Variants in LRRC40 observed in about 807,000 individuals in gnomAD.
LRRC40 encodes the protein leucine-rich repeat-containing protein 40.
LRRC40 carries 76 observed loss-of-function variants against 72.8 expected under a neutral mutation model. That is an observed-to-expected ratio of 1.04 (90% CI 0.87 to 1.26). LRRC40 has a LOEUF of 1.26. Among genes scored for constraint, LRRC40 ranks in the 50% most tolerant of loss-of-function variants. The probability of loss-of-function intolerance (pLI) is 0.00; values close to 1 mark genes in which losing one functional copy is unlikely to be tolerated. For synonymous variants in LRRC40, 243 were observed against 254.2 expected (o/e 0.96, Z 0.42); for missense variants, 684 against 698.9 (o/e 0.98, Z 0.24).
rs533404135 is a variant in LRRC40 at position 70,151,287 on chromosome 1, A to G, written c.1440-82T>C. On this transcript the variant is annotated intron_variant, in intron 12 of 14. Coordinates refer to ENST00000370952, the MANE Select transcript of LRRC40 (RefSeq NM_017768.5). ...ATTTATAATTAAAATATTGAGCAGG[A>G]AAAAAAAATATGTAGATCAGTTTGT... 7.9e-5 allele frequency: 50 copies of G among 631,974 alleles called. 1 individual carries two copies. The Middle Eastern group carries it at 2.2e-3, about 28-fold the overall frequency. 39.1% of individuals were successfully genotyped at this position (631,974 alleles called of 1,614,324 possible).
intron 5 of LRRC40, among the ~76,000 whole-genome samples, chr1:70,180,678 A>G (rs1198034941): frequency 6.6e-6 from 1 of 152,180 alleles, no homozygotes; most frequent in African/African-American, 2.4e-5. Flanking sequence ...GGGACCTCAG[A>G]CAAAACAAGA....
Position 70,205,319 on chromosome 1 carries a change from G to A in LRRC40, c.151+71C>T, listed in dbSNP as rs1162187446. On this transcript the variant is annotated intron_variant, in intron 1 of 14. Coordinates refer to ENST00000370952, the MANE Select transcript of LRRC40 (RefSeq NM_017768.5). ...GAAAGGGGGCCAAAGCCAGCCCAGA[G>A]AAAAGGGAGGTTGCCTGGGCCAAAG... 3.5e-6 allele frequency: 5 copies of A among 1,423,672 alleles called. No homozygotes were observed. The African/African-American group carries it at 5.6e-5, about 16-fold the overall frequency. The allele number at this position is 1,423,672 out of a possible 1,614,324, so 88.2% of individuals were successfully genotyped here.
chr1:70,158,247 G>T (rs1027127988), intron 10 of LRRC40, among the ~76,000 whole-genome samples: 3 of 151,984 alleles, frequency 2.0e-5, no homozygotes, highest in Non-Finnish European at 4.4e-5. Context: ...GCAGGCAAGA[G>T]GTGAGAACAA....
chr1:70,191,362 TC>T (rs1314781722), intron 1 of LRRC40, among the ~76,000 whole-genome samples: 14 of 152,134 alleles, frequency 9.2e-5, no homozygotes, highest in Admixed American at 3.3e-4. Flanking sequence ...ATAACAAATG[TC>T]TTTTTTTGGA....
At chr1:70,197,067 T>C (rs911762872) in intron 1 of LRRC40, among the ~76,000 whole-genome samples, 5 of 152,278 alleles carry the variant, frequency 3.3e-5, no homozygotes, top group South Asian at 2.1e-4. Context: ...ATGCCCTACG[T>C]TGGCACTATT....
At chr1:70,177,147 G>C (rs1205403223) in intron 6 of LRRC40, among the ~76,000 whole-genome samples, 2 of 152,008 alleles carry the variant, frequency 1.3e-5, no homozygotes, top group African/African-American at 2.4e-5. Context: ...GTGGTGGTGG[G>C]CACCTGTAAT....
At chr1:70,151,271 T>A in intron 12 of LRRC40, 66 bp from the exon 13 acceptor site, 1 of 747,388 alleles carries the variant, frequency 1.3e-6, no homozygotes, top group Non-Finnish European at 2.3e-6. Context: ...AATTTATAAT[T>A]AAAATATTGA....
intron 1 of LRRC40, among the ~76,000 whole-genome samples, chr1:70,189,781 G>A (rs1000105759): frequency 7.2e-5 from 11 of 152,214 alleles, no homozygotes; most frequent in Non-Finnish European, 1.0e-4. Flanking sequence ...CAAAGTAGGT[G>A]TTATTATTCC....
chr1:70,163,311 T>A (rs1369232042), intron 9 of LRRC40, among the ~76,000 whole-genome samples: 1 of 152,162 alleles, frequency 6.6e-6, no homozygotes, highest in African/African-American at 2.4e-5. Flanking sequence ...ATGGTCTCAA[T>A]CTCCTGACCT....
chr1:70,199,451 G>A (rs1027334308), intron 1 of LRRC40, among the ~76,000 whole-genome samples: 12 of 152,098 alleles, frequency 7.9e-5, no homozygotes, highest in African/African-American at 2.9e-4. Context: ...CACAATATGG[G>A]TTTGAATTGC....
At chr1:70,160,810 T>A (rs1483842174) in intron 9 of LRRC40, among the ~76,000 whole-genome samples, 1 of 152,104 alleles carries the variant, frequency 6.6e-6, no homozygotes, top group Non-Finnish European at 1.5e-5. Context: ...TTGTTTTTTT[T>A]AACCATGTGC....
At chr1:70,205,312 G>A in intron 1 of LRRC40, 78 bp downstream of exon 1, 1 of 1,383,918 alleles carries the variant, frequency 7.2e-7, no homozygotes, top group Non-Finnish European at 9.8e-7. Flanking sequence ...GCCAAAGCCA[G>A]CCCAGAGAAA....
intron 7 of LRRC40, among the ~76,000 whole-genome samples, chr1:70,175,574 C>T (rs1668085087): frequency 1.3e-5 from 2 of 152,070 alleles, no homozygotes; most frequent in Non-Finnish European, 2.9e-5. Context: ...AATACTAATA[C>T]TAATGATAAT....
At chr1:70,154,394 T>C (rs1558110030) in intron 11 of LRRC40, among the ~76,000 whole-genome samples, 1 of 152,204 alleles carries the variant, frequency 6.6e-6, no homozygotes, top group Non-Finnish European at 1.5e-5. Flanking sequence ...AAATAATAAG[T>C]AATGTCTCTT....
chr1:70,179,083 C>T (rs1668184402), intron 5 of LRRC40, 90 bp from the exon 6 acceptor site: 1 of 650,702 alleles, frequency 1.5e-6, no homozygotes, highest in Non-Finnish European at 2.4e-6. Context: ...TAAGAAATCG[C>T]TATGAGGACT....
At chr1:70,184,996 G>A in intron 3 of LRRC40, 82 bp from the exon 4 acceptor site, 1 of 1,139,604 alleles carries the variant, frequency 8.8e-7, no homozygotes, top group South Asian at 1.6e-5. Flanking sequence ...GCTAACCAAT[G>A]ACACTGGACT....
intron 9 of LRRC40, among the ~76,000 whole-genome samples, chr1:70,168,649 T>C (rs1329813819): frequency 6.6e-6 from 1 of 152,178 alleles, no homozygotes; most frequent in Non-Finnish European, 1.5e-5. Flanking sequence ...CAGCCTAGAC[T>C]GTATACAAGC....
Position 70,150,388 on chromosome 1 carries a change from C to G in LRRC40, c.1517+740G>C, listed in dbSNP as rs551152345. Reference sequence around the variant, plus strand: ...TTAGATGAGTTATTTAGCTTCTAATCCTTGATTTTTAAATGAACACAGTAA... The same window carrying G: ...TTAGATGAGTTATTTAGCTTCTAATGCTTGATTTTTAAATGAACACAGTAA... On this transcript the variant is annotated intron_variant, in intron 13 of 14. Coordinates refer to ENST00000370952, the MANE Select transcript of LRRC40 (RefSeq NM_017768.5). Among the ~76,000 whole-genome samples, 62 of 152,176 alleles carry G rather than the reference C, an allele frequency of 4.1e-4. 1 individual carries two copies. Among genetic ancestry groups the G allele is most frequent in the South Asian group, 2.1e-3 (10 of 4,818 alleles).
At chr1:70,182,607 CT>C (rs1187347718) in intron 4 of LRRC40, among the ~76,000 whole-genome samples, 2 of 151,720 alleles carry the variant, frequency 1.3e-5, no homozygotes, top group Non-Finnish European at 2.9e-5. Flanking sequence ...CTTGTAAATT[CT>C]ACATAAAATT....
Sources: gnomAD v4.1 joint callset for allele counts (sites outside exome capture counted in the v4.1 genomes callset) on GRCh38, gnomAD v4.1.1 for gene constraint, MANE v1.5 for transcripts, NCBI Gene and HGNC (gene_info 2026-07-23, HGNC 2026-07-21) for gene names.